The following USP20 variants were observed in gnomAD, a reference collection of about 807,000 sequenced individuals.
USP20 encodes ubiquitin carboxyl-terminal hydrolase 20.
Under a neutral mutation model 124.2 loss-of-function variants are expected in USP20, and 80 were observed. The observed-to-expected ratio is 0.64, with a 90% CI of 0.54 to 0.78. The LOEUF (loss-of-function observed/expected upper bound fraction) is 0.78, where lower values mean the gene tolerates loss of function less well. USP20 is among the 30% of genes least tolerant of loss of function. The pLI, the probability that USP20 is intolerant of heterozygous loss-of-function variation, is 0.00. For synonymous variants in USP20, 481 were observed against 512.3 expected, an observed-to-expected ratio of 0.94 and a Z score of 0.83; for missense variants, 1,043 against 1,244.4, an observed-to-expected ratio of 0.84 and a Z score of 2.44.
chr9:129,866,113 T>G (rs953909339), intron 10 of USP20, among the ~76,000 whole-genome samples: 2 of 152,230 alleles, frequency 1.3e-5, no homozygotes, highest in African/African-American at 4.8e-5. Flanking sequence ...GCCCACAGCC[T>G]GGGCTTTCAT....
chr9:129,841,555 C>G (rs566796928), intron 1 of USP20, among the ~76,000 whole-genome samples: 4 of 152,184 alleles, frequency 2.6e-5, no homozygotes, highest in African/African-American at 7.2e-5. Flanking sequence ...GGCATCCCCC[C>G]ACATTGACCC....
In USP20 at chr9:129,874,962, G is replaced by T. The variant is rs143341314; in HGVS notation, c.2048+7G>T. ...GCTACGTACTCTTCTACAGGTGGGC[G>T]CTGGGCCAGGCCTGGTGGAGGAACC... On this transcript the variant is annotated splice_region_variant and intron_variant, in intron 19 of 25. Transcript: ENST00000372429. The T allele has an allele frequency of 1.6e-5, 25 of 1,612,548 alleles. No individual in the cohort carries two copies. The highest frequency in any genetic ancestry group is 2.0e-5 in the Non-Finnish European group (24 of 1,179,646).
In USP20 at chr9:129,869,774, A is replaced by C; in HGVS notation, c.1495A>C (p.Lys499Gln). ...HSAIYQNVPA[K>Q]PGACGDSYAA... Reference sequence around the variant, plus strand: ...AGCCATCTACCAGAATGTGCCGGCCAAGCCAGGCGCCTGTGGGGACAGCTA... The same window carrying C: ...AGCCATCTACCAGAATGTGCCGGCCCAGCCAGGCGCCTGTGGGGACAGCTA... Residue 499 changes from lysine to glutamine, a missense_variant, in exon 14 of 26, where the codon AAG becomes CAG. Physicochemically the swap from Lys to Gln is moderately conservative, Grantham distance 53. Coordinates refer to ENST00000372429, the MANE Select transcript of USP20 (RefSeq NM_001110303.4). The C allele has an allele frequency of 6.2e-7, 1 of 1,614,054 alleles. No homozygotes were observed. The highest frequency in any genetic ancestry group is 8.5e-7 in the Non-Finnish European group (1 of 1,180,032).
chr9:129,875,995 C>A, intron 21 of USP20, 135 bp from the exon 22 acceptor site: 1 of 771,988 alleles, frequency 1.3e-6, no homozygotes, highest in Non-Finnish European at 2.1e-6. Context: ...GTGGTGCTCA[C>A]ACAGAGGTGC....
At chr9:129,837,983 C>A (rs2031963073) in intron 1 of USP20, among the ~76,000 whole-genome samples, 1 of 152,140 alleles carries the variant, frequency 6.6e-6, no homozygotes, top group South Asian at 2.1e-4. Context: ...AAACAGTATC[C>A]AACTGGTTCT....
chr9:129,848,693 C>T (rs1353317593), intron 1 of USP20, among the ~76,000 whole-genome samples: 4 of 151,852 alleles, frequency 2.6e-5, no homozygotes, highest in East Asian at 3.9e-4. Context: ...CCTGCCCACT[C>T]CCTCCCCAGC....
chr9:129,878,501 T>C, intron 23 of USP20, 61 bp downstream of exon 23: 2 of 1,443,408 alleles, frequency 1.4e-6, no homozygotes, highest in Non-Finnish European at 1.9e-6. Context: ...GATGGGATGC[T>C]GGCAGGGGAG....
intron 3 of USP20, 43 bp from the exon 4 acceptor site, chr9:129,856,264 G>T: frequency 6.3e-7 from 1 of 1,599,918 alleles, no homozygotes; most frequent in Non-Finnish European, 8.6e-7. Flanking sequence ...CCCGCAACGG[G>T]CTCCTCATGC....
At chr9:129,867,504 A>G (rs1484994534) in intron 10 of USP20, among the ~76,000 whole-genome samples, 3 of 152,052 alleles carry the variant, frequency 2.0e-5, no homozygotes, top group Non-Finnish European at 2.9e-5. Flanking sequence ...GGAAGGGTAG[A>G]GCATGCAGGC....
At chr9:129,880,058 G>A (rs2034574193) in intron 24 of USP20, 55 bp from the exon 25 acceptor site, 10 of 1,591,820 alleles carry the variant, frequency 6.3e-6, no homozygotes, top group Non-Finnish European at 8.6e-6. Flanking sequence ...GCCCAGGCCG[G>A]TGGCTTCCTT....
intron 1 of USP20, among the ~76,000 whole-genome samples, chr9:129,840,231 T>A (rs1379371647): frequency 6.6e-6 from 1 of 152,192 alleles, no homozygotes; most frequent in Non-Finnish European, 1.5e-5. Flanking sequence ...GCACACTCCA[T>A]ATATTTGCAC....
rs2032982141 is a variant in USP20, at chr9:129,852,553, A to T, written c.-3A>T. ...GTCTTCTCATAGGTGAGCCCAGGCC[A>T]GGATGGGGGACTCCAGGGACCTTTG... On this transcript the variant is annotated 5_prime_UTR_variant, in exon 3 of 26. Transcript: ENST00000372429. 1 of 1,593,130 alleles carries T rather than the reference A, an allele frequency of 6.3e-7. No homozygotes were observed. The highest frequency in any genetic ancestry group is 2.3e-5 in the East Asian group (1 of 44,194).
intron 1 of USP20, among the ~76,000 whole-genome samples, chr9:129,838,831 C>T (rs1257294311): frequency 6.6e-6 from 1 of 152,226 alleles, no homozygotes; most frequent in African/African-American, 2.4e-5. Flanking sequence ...TGACTGGCTG[C>T]AGCCTAGGGT....
intron 1 of USP20, among the ~76,000 whole-genome samples, chr9:129,848,571 T>C (rs527741170): frequency 2.6e-5 from 4 of 151,576 alleles, no homozygotes; most frequent in South Asian, 2.1e-4. Flanking sequence ...GAGAATTTCA[T>C]GAACCCGGGA....
chr9:129,875,492 C>T lies in USP20; in HGVS notation c.2218+13C>T. ...TGCTCCCACGGAGGTGAGGCGCCCC[C>T]TGTGGTGGGAGAGCAGGGTGGGCAG... On this transcript the variant is annotated intron_variant, in intron 20 of 25. Transcript: ENST00000372429. The T allele has an allele frequency of 6.2e-7, 1 of 1,612,384 alleles. No homozygotes were observed.
At chr9:129,856,172 G>A in intron 3 of USP20, 135 bp from the exon 4 acceptor site, 1 of 844,490 alleles carries the variant, frequency 1.2e-6, no homozygotes, top group East Asian at 2.4e-5. Flanking sequence ...GCCTTTCTGG[G>A]GCCAGGGCTT....
intron 3 of USP20, among the ~76,000 whole-genome samples, chr9:129,854,519 A>G (rs188084617): frequency 5.6e-4 from 86 of 152,326 alleles, no homozygotes; most frequent in African/African-American, 2.0e-3. Context: ...CTCAAGATCC[A>G]GGCATACGTG....
intron 10 of USP20, among the ~76,000 whole-genome samples, chr9:129,866,895 TC>T (rs1182884590): frequency 6.6e-6 from 1 of 152,200 alleles, no homozygotes; most frequent in Non-Finnish European, 1.5e-5. Flanking sequence ...ACGTGTCCCC[TC>T]CCTGATGCAA....
At chr9:129,869,243 C>T (rs1001860478) in intron 12 of USP20, 67 bp from the exon 13 acceptor site, 36 of 1,505,002 alleles carry the variant, frequency 2.4e-5, no homozygotes, top group Admixed American at 1.6e-4. Flanking sequence ...CAAAGGAAGC[C>T]GCAGGGCCCG....
Sources: gnomAD v4.1 joint callset for allele counts (sites outside exome capture counted in the v4.1 genomes callset) on GRCh38, gnomAD v4.1.1 for gene constraint, MANE v1.5 for transcripts, NCBI Gene and HGNC (gene_info 2026-07-23, HGNC 2026-07-21) for gene names.